Variants in RNF126 observed in about 807,000 individuals in gnomAD.
The protein encoded by RNF126 is ring finger protein 126, also known as E3 ubiquitin-protein ligase RNF126.
Under a neutral mutation model 41.9 loss-of-function variants are expected in RNF126, and 20 were observed. The ratio of observed to expected loss-of-function variants is 0.48; its 90% confidence interval spans 0.34 to 0.69. The LOEUF (loss-of-function observed/expected upper bound fraction) is 0.69. RNF126 is among the 30% of genes least tolerant of loss of function. The pLI, the probability that RNF126 is intolerant of heterozygous loss-of-function variation, is 0.01. For missense variants in RNF126, 433 were observed against 460.6 expected, an observed-to-expected ratio of 0.94 and a Z score of 0.55; for synonymous variants, 239 against 202.9, an observed-to-expected ratio of 1.18 and a Z score of -1.51.
At chr19:656,773 G>C (rs531486171) in intron 1 of RNF126, among the ~76,000 whole-genome samples, 2 of 152,314 alleles carry the variant, frequency 1.3e-5, no homozygotes, top group African/African-American at 4.8e-5. Context: ...CCAGGCGTCG[G>C]TTCTTGGGGT....
chr19:649,027 G>T, intron 6 of RNF126, 52 bp from the exon 7 acceptor site: 1 of 958,532 alleles, frequency 1.0e-6, no homozygotes, highest in Non-Finnish European at 1.4e-6. Context: ...CCCGGCCCGG[G>T]GCTCTGAAAC....
chr19:648,352 CGGGTGGGCG>C lies in RNF126; in HGVS notation c.786+11_786+19del. The C allele has an allele frequency of 9.7e-7, 1 of 1,025,922 alleles. No individual in the cohort carries two copies. Among genetic ancestry groups the C allele is most frequent in the Non-Finnish European group, 1.2e-6 (1 of 821,686 alleles). 63.6% of individuals were successfully genotyped at this position (1,025,922 alleles called of 1,614,324 possible). On this transcript the variant is annotated intron_variant, in intron 8 of 8. Transcript: ENST00000292363. ...GAGGGCCGCGGTCGGGGTGGGGGGG[CGGGTGGGCG>C]GGGCACTCACCTGCTCCAGCCAGGG... is the stretch of plus-strand genomic sequence containing the variant.
chr19:648,203 C>A lies in RNF126; in HGVS notation c.861G>T (p.Gly287=), dbSNP rs1398759062. The part of the protein sequence containing the change: ...NTATNPPGLT[G]VSFSSSSSSS... ...ATGACGACGAGGAGGAGAAGCTCAC[C>A]CCAGTGAGGCCAGGGGGGTTCGTGG... Residue 287 remains glycine (G), a synonymous_variant, in exon 9 of 9, where the codon GGG becomes GGT. Transcript: ENST00000292363. The A allele has an allele frequency of 3.7e-6, 6 of 1,605,996 alleles. No individual in the cohort carries two copies. The highest frequency in any genetic ancestry group is 5.1e-6 in the Non-Finnish European group (6 of 1,176,190).
intron 1 of RNF126, chr19:661,367 G>A (rs1225593173): frequency 1.3e-5 from 2 of 152,426 alleles, no homozygotes; most frequent in Non-Finnish European, 2.9e-5. Flanking sequence ...CAGGCTGGCG[G>A]GCTGTCAGGC....
chr19:663,028 GC>G lies in RNF126; in HGVS notation c.75+18del. 7.6e-7 allele frequency: 1 copy of G among 1,318,126 alleles called. No individual in the cohort carries two copies. The highest frequency in any genetic ancestry group is 9.8e-7 in the Non-Finnish European group (1 of 1,023,482). The allele number at this position is 1,318,126 out of a possible 1,614,324, so 81.7% of individuals were successfully genotyped here. On this transcript the variant is annotated intron_variant, in intron 1 of 8. Transcript: ENST00000292363. ...TGCGGCGCAGACCCTGCCGCCCGCC[GC>G]CCCGGCCCGGGCCTCACCGGCAGGC... is the stretch of plus-strand genomic sequence containing the variant.
chr19:651,693 G>A lies in RNF126; in HGVS notation c.361C>T (p.Arg121Trp), dbSNP rs764057349. 7.5e-6 allele frequency: 12 copies of A among 1,595,892 alleles called. No homozygotes were observed. Among genetic ancestry groups the A allele is most frequent in the Non-Finnish European group, 9.4e-6 (11 of 1,172,364 alleles). ...GCGCGGGGCTGTCGGGCGCCGTACC[G>A]GTGCCGGGACGGATGGTCTCTCTCC... ...RRERDHPSRHRYGARQPRARL... is the reference protein window; with the variant it reads ...RRERDHPSRHWYGARQPRARL... Residue 121 changes from arginine to tryptophan, a missense_variant, in exon 4 of 9, where the codon CGG (arginine) becomes TGG (tryptophan). Arg to Trp is a moderately radical substitution (Grantham distance 101). This residue lies in a region of RNF126 where 247 missense variants were observed against 224.7 expected (regional missense o/e 1.10). Transcript: ENST00000292363.
At position 660,930 on chromosome 19, in the gene RNF126, G is replaced by A. The variant is rs118167041; in HGVS notation, c.75+2117C>T. On this transcript the variant is annotated intron_variant, in intron 1 of 8. Coordinates refer to ENST00000292363, the MANE Select transcript of RNF126 (RefSeq NM_194460.3). Reference sequence around the variant, plus strand: ...AGCAGATGCCCTTGGGATCACCCGCGGGGTGGACACGGGCAGGCCCCCGCA... The same window carrying A: ...AGCAGATGCCCTTGGGATCACCCGCAGGGTGGACACGGGCAGGCCCCCGCA... 3.2e-3 allele frequency among the ~76,000 whole-genome samples: 492 copies of A among 152,372 alleles called. 3 individuals carry two copies. The highest frequency in any genetic ancestry group is 5.2e-3 in the Admixed American group (79 of 15,308).
Position 649,466 on chromosome 19 carries a change from C to T in RNF126, c.576+213G>A, listed in dbSNP as rs2030164990. 9 of 573,676 alleles carry T rather than the reference C, an allele frequency of 1.6e-5. No homozygotes were observed. In the South Asian group the frequency reaches 1.7e-4, roughly 11 times the overall value. The allele number at this position is 573,676 out of a possible 1,614,324, so 35.5% of individuals were successfully genotyped here. On this transcript the variant is annotated intron_variant, in intron 6 of 8. Transcript: ENST00000292363. The stretch of plus-strand genomic sequence containing the variant: ...CCCGCGGTTTTGCTACAACGTTCCG[C>T]GTGAACACAGGAGAACCCCCAAAGT...
chr19:648,667 A>G (rs2030102252), intron 7 of RNF126, among the ~76,000 whole-genome samples, 180 bp from the exon 8 acceptor site: 1 of 152,094 alleles, frequency 6.6e-6, no homozygotes, highest in Non-Finnish European at 1.5e-5. Flanking sequence ...CTCCCAGCCC[A>G]CCTTCAGGGA....
chr19:651,922 C>T (rs761428699), intron 3 of RNF126, 67 bp from the exon 4 acceptor site: 25 of 1,443,192 alleles, frequency 1.7e-5, no homozygotes, highest in Non-Finnish European at 2.2e-5. Flanking sequence ...GGCGCTAGGG[C>T]ACAAAGACAA....
intron 1 of RNF126, among the ~76,000 whole-genome samples, chr19:653,420 C>T (rs1054524572): frequency 6.6e-5 from 10 of 152,338 alleles, no homozygotes; most frequent in African/African-American, 1.9e-4. Flanking sequence ...CCAGAGGAGA[C>T]GTGAGGACCC....
At chr19:655,886 G>C (rs1335504138) in intron 1 of RNF126, among the ~76,000 whole-genome samples, 1 of 152,184 alleles carries the variant, frequency 6.6e-6, no homozygotes, top group Admixed American at 6.5e-5. Flanking sequence ...CACGGCGGGG[G>C]GGAGGGGGGA....
rs370334128 is a variant in RNF126 at position 651,869 on chromosome 19, G to C, written c.199-14C>G. ...CTGGTCCACGTGCTGGGGAGAGGAG[G>C]GGGGCGTGACCTCGGGGGCTCAGGC... On this transcript the variant is annotated splice_polypyrimidine_tract_variant and intron_variant, in intron 3 of 8. Coordinates refer to ENST00000292363, the MANE Select transcript of RNF126 (RefSeq NM_194460.3). 3,192 of 1,600,174 alleles carry C rather than the reference G, an allele frequency of 2.0e-3. 9 individuals carry two copies. The highest frequency in any genetic ancestry group is 2.4e-3 in the Non-Finnish European group (2,848 of 1,173,868).
Position 648,087 on chromosome 19 carries a change from G to A in RNF126, c.*41C>T. 1.3e-6 allele frequency: 2 copies of A among 1,519,134 alleles called. No homozygotes were observed. The highest frequency in any genetic ancestry group is 1.8e-6 in the Non-Finnish European group (2 of 1,132,046). 94.1% of individuals were successfully genotyped at this position (1,519,134 alleles called of 1,614,324 possible). On this transcript the variant is annotated 3_prime_UTR_variant, in exon 9 of 9. Transcript: ENST00000292363. ...TGCCGTGTGGCGCTGGCTGAGGGTG[G>A]GTGGGAAAGGCCCCGTGCTTTCCCG...
rs1255056348 is a variant in RNF126, at chr19:659,510, G to T, written c.75+3537C>A. On this transcript the variant is annotated intron_variant, in intron 1 of 8. Transcript: ENST00000292363. The surrounding 1 kb of genome is among the most constrained non-coding windows in gnomAD (Gnocchi z 4.9). ...CTAGGAACCACCCAGAGACGGGGAG[G>T]TCAGGGGCAAGGACGGCACGCAGGG... 6.6e-6 allele frequency among the ~76,000 whole-genome samples: 1 copy of T among 152,160 alleles called. No individual in the cohort carries two copies. Among genetic ancestry groups the T allele is most frequent in the Non-Finnish European group, 1.5e-5 (1 of 68,016 alleles).
chr19:651,497 CAG>C, intron 4 of RNF126, 112 bp downstream of exon 4: 2 of 1,159,564 alleles, frequency 1.7e-6, no homozygotes, highest in Non-Finnish European at 2.2e-6. Context: ...GCGGCCTCTC[CAG>C]AGAGCCTATG....
chr19:661,988 TTGCA>T (rs537320424), intron 1 of RNF126, among the ~76,000 whole-genome samples: 2 of 152,082 alleles, frequency 1.3e-5, no homozygotes, highest in Middle Eastern at 3.4e-3. Context: ...AATCACCACT[TTGCA>T]CGTCAGCCTG....
chr19:648,069 T>G lies in RNF126; in HGVS notation c.*59A>C, dbSNP rs1600625361. ...GGGCACCCAGTCTGTGGGTGCCGTG[T>G]GGCGCTGGCTGAGGGTGGGTGGGAA... On this transcript the variant is annotated 3_prime_UTR_variant, in exon 9 of 9. Coordinates refer to ENST00000292363, the MANE Select transcript of RNF126 (RefSeq NM_194460.3). The G allele has an allele frequency of 6.7e-7, 1 of 1,485,450 alleles. No homozygotes were observed. Among genetic ancestry groups the G allele is most frequent in the East Asian group, 2.4e-5 (1 of 41,218 alleles). 92.0% of individuals were successfully genotyped at this position (1,485,450 alleles called of 1,614,324 possible). A position where few individuals can be genotyped will look rare whatever the true frequency, so the allele number is the denominator to read the frequency against.
At position 659,723 on chromosome 19, in the gene RNF126, C is replaced by A. The variant is rs954697231; in HGVS notation, c.75+3324G>T. ...CCGCCACACGCCCCACTCTGGCTGA[C>A]GCTCCCTTTGCTGCTCAGACACCCA... On this transcript the variant is annotated intron_variant, in intron 1 of 8. Transcript: ENST00000292363. This position sits in a 1 kb window ranked among gnomAD's most constrained non-coding sequence, Gnocchi z 4.9. 6.6e-6 allele frequency among the ~76,000 whole-genome samples: 1 copy of A among 151,934 alleles called. No homozygotes were observed.
Sources: gnomAD v4.1 joint callset for allele counts (sites outside exome capture counted in the v4.1 genomes callset) on GRCh38, gnomAD v4.1.1 for gene constraint, gnomAD v4.1.1 regional missense constraint, Gnocchi (gnomAD v3.1) non-coding constraint, MANE v1.5 for transcripts, NCBI Gene and HGNC (gene_info 2026-07-23, HGNC 2026-07-21) for gene names.